SGK2: variants seen among roughly 807,000 people sequenced by gnomAD.
SGK2 encodes serum/glucocorticoid regulated kinase 2, also known as serine/threonine-protein kinase Sgk2.
SGK2 carries 36 observed loss-of-function variants against 47.5 expected under a neutral mutation model. The ratio of observed to expected loss-of-function variants is 0.76; its 90% CI spans 0.58 to 1.00. The LOEUF (loss-of-function observed/expected upper bound fraction) is 1.00, where lower values mean the gene tolerates loss of function less well. SGK2 is among the 50% of genes least tolerant of loss of function. The pLI, the probability that SGK2 is intolerant of heterozygous loss-of-function variation, is 0.00. For synonymous variants in SGK2, 157 were observed against 181.9 expected (o/e 0.86, Z 1.10); for missense variants, 404 against 467.4 (o/e 0.86, Z 1.25).
chr20:43,560,173 G>C (rs1376393217), intron 1 of SGK2, among the ~76,000 whole-genome samples: 2 of 152,062 alleles, frequency 1.3e-5, no homozygotes, highest in African/African-American at 4.8e-5. Context: ...GCAATATCTT[G>C]AGAAGCTTTA....
chr20:43,566,858 T>G (rs1239070246), intron 2 of SGK2, among the ~76,000 whole-genome samples: 2 of 99,564 alleles, frequency 2.0e-5, no homozygotes, highest in African/African-American at 7.9e-5. Flanking sequence ...TTTTGAGAAG[T>G]GGGTAAGATG....
intron 12 of SGK2, among the ~76,000 whole-genome samples, chr20:43,584,047 A>C (rs61468926): frequency 0.016 from 2,388 of 152,034 alleles, 66 homozygotes; most frequent in African/African-American, 0.055. Flanking sequence ...GAGCTCTCTC[A>C]TATCTGTGGT....
chr20:43,566,407 C>A (rs1979717406), intron 1 of SGK2, 66 bp from the exon 2 acceptor site: 2 of 1,614,128 alleles, frequency 1.2e-6, no homozygotes, highest in Non-Finnish European at 1.7e-6. Context: ...TGCCTGAAGC[C>A]CTGGATGGGC....
In SGK2 at chr20:43,571,064, G is replaced by GGT. The variant is rs11467250; in HGVS notation, c.510+41_510+42dup. 5.2e-3 allele frequency: 8,149 copies of GGT among 1,564,564 alleles called. 44 individuals are homozygous for GGT. Among genetic ancestry groups the GGT allele is most frequent in the African/African-American group, 0.041 (2,973 of 72,042 alleles). On this transcript the variant is annotated splice_donor_region_variant and intron_variant, in intron 8 of 12. Coordinates refer to ENST00000373100, the MANE Select transcript of SGK2 (RefSeq NM_170693.3). Reference sequence around the variant, plus strand: ...GAACATTCTCTTGGACTGCCAGGTTGGTGTGTGTGTGTGTGTGTGTGTGTG... The same window carrying GGT: ...GAACATTCTCTTGGACTGCCAGGTTGGTGTGTGTGTGTGTGTGTGTGTGTGTG...
chr20:43,563,454 T>C (rs1401550859), intron 1 of SGK2, among the ~76,000 whole-genome samples: 2 of 152,196 alleles, frequency 1.3e-5, no homozygotes, highest in Non-Finnish European at 2.9e-5. Flanking sequence ...CTTTGGCACA[T>C]AGAGGTCACT....
chr20:43,560,569 G>T (rs6030959), intron 1 of SGK2, among the ~76,000 whole-genome samples: 4,535 of 151,800 alleles, frequency 0.03, 209 homozygotes, highest in African/African-American at 0.1. Flanking sequence ...TGACCCTGCA[G>T]TCTTTTTTTG....
chr20:43,561,443 G>A (rs1209228785), intron 1 of SGK2, among the ~76,000 whole-genome samples: 1 of 145,538 alleles, frequency 6.9e-6, no homozygotes, highest in Admixed American at 7.1e-5. Flanking sequence ...AGGCTGGAGT[G>A]CAGTGGCGTG....
At chr20:43,568,034 G>C in intron 5 of SGK2, 35 bp downstream of exon 5, 1 of 1,574,212 alleles carries the variant, frequency 6.4e-7, no homozygotes, top group Non-Finnish European at 8.7e-7. Context: ...TTCTTCTTCT[G>C]CTTCTCAAGC....
At position 43,571,599 on chromosome 20, in the gene SGK2, G is replaced by C. The variant is rs567721432; in HGVS notation, c.511-452G>C. On this transcript the variant is annotated intron_variant, in intron 8 of 12. Transcript: ENST00000373100. ...TGGACATGGATTGCTCCTAGGGACG[G>C]GGCATAACTTTGGGTGCGGGCAATG... is the stretch of plus-strand genomic sequence containing the variant. Among the ~76,000 whole-genome samples the C allele has an allele frequency of 6.6e-5, 10 of 152,258 alleles. No individual in the cohort carries two copies. In the East Asian group the frequency reaches 1.5e-3, roughly 23 times the overall value.
At position 43,569,467 on chromosome 20, in the gene SGK2, A is replaced by G; in HGVS notation, c.311A>G (p.Gln104Arg). Reference protein sequence around the residue: ...PFLVGLRYSFQTPEKLYFVLD... With the variant: ...PFLVGLRYSFRTPEKLYFVLD... ...CTCGTGGGCCTGCGCTACTCCTTCC[A>G]GACACCTGAGAAGCTCTACTTCGTG... is the stretch of plus-strand genomic sequence containing the variant. The change falls in exon 6 of 13, where the codon CAG becomes CGG. Residue 104 changes from glutamine (Q) to arginine (R), a missense_variant. Transcript: ENST00000373100. 6.2e-7 allele frequency: 1 copy of G among 1,613,770 alleles called. No individual in the cohort carries two copies. The highest frequency in any genetic ancestry group is 8.5e-7 in the Non-Finnish European group (1 of 1,180,008).
Position 43,585,007 on chromosome 20 carries a change from G to C in SGK2, c.1095G>C (p.Leu365Phe). The C allele has an allele frequency of 6.2e-7, 1 of 1,613,472 alleles. No homozygotes were observed. The highest frequency in any genetic ancestry group is 2.2e-5 in the East Asian group (1 of 44,876). ...FSYAPEDDDILDC is the reference protein window; with the variant it reads ...FSYAPEDDDIFDC ...ATGCGCCAGAGGATGATGACATCTT[G>C]GATTGCTAGAAGAGAAGGACCTGTG... The change falls in exon 13 of 13, where the codon TTG becomes TTC. Residue 365 changes from leucine to phenylalanine, a missense_variant. Physicochemically the swap from Leu to Phe is conservative, Grantham distance 22 (BLOSUM62 0). Coordinates refer to ENST00000373100, the MANE Select transcript of SGK2 (RefSeq NM_170693.3).
chr20:43,576,284 CA>C lies in SGK2; in HGVS notation c.755del (p.Gln252ArgfsTer44). The C allele has an allele frequency of 6.2e-7, 1 of 1,614,238 alleles. No individual in the cohort carries two copies. Among genetic ancestry groups the C allele is most frequent in the Non-Finnish European group, 8.5e-7 (1 of 1,180,046 alleles). On this transcript the variant is annotated frameshift_variant, in exon 11 of 13. Coordinates refer to ENST00000373100, the MANE Select transcript of SGK2 (RefSeq NM_170693.3). LOFTEE classifies it high-confidence loss of function. ...TGAGAACATTCTGCACCAGCCGCTACAGATCCCCGGAGGCCGGACAGTGGCC... is the reference window on the plus strand; with the variant it reads ...TGAGAACATTCTGCACCAGCCGCTACGATCCCCGGAGGCCGGACAGTGGCC... ...MYENILHQPLQIPGGRTVAAC... is the reference protein window; with the variant it reads ...MYENILHQPLXIPGGRTVAAC...
Position 43,572,143 on chromosome 20 carries a change from C to G in SGK2, c.597+6C>G. 6.5e-7 allele frequency: 1 copy of G among 1,543,116 alleles called. No homozygotes were observed. ...CATTCTGTGGTACCCCTGAGGTAAG[C>G]GTAAACATCCCAGGAGAGGGGAGGT... On this transcript the variant is annotated splice_donor_region_variant and intron_variant, in intron 9 of 12. Transcript: ENST00000373100. The surrounding 1 kb of genome is among the most constrained non-coding windows in gnomAD (Gnocchi z 4.2).
At chr20:43,583,205 G>T in intron 12 of SGK2, 2 of 1,289,794 alleles carry the variant, frequency 1.6e-6, no homozygotes, top group African/African-American at 3.0e-5. Context: ...CCAGGCACCA[G>T]AAAAGCTTCT....
At position 43,574,801 on chromosome 20, in the gene SGK2, C is replaced by T. The variant is rs200402680; in HGVS notation, c.598-108C>T. The T allele has an allele frequency of 5.9e-5, 42 of 708,946 alleles. No individual in the cohort carries two copies. The East Asian group carries it at 1.1e-3, about 19-fold the overall frequency. 43.9% of individuals were successfully genotyped at this position (708,946 alleles called of 1,614,324 possible). Reference sequence around the variant, plus strand: ...AACACACACACAGCCACAGAGCACACGTACAGCAGGGTCAGCTCTTGGTCA... The same window carrying T: ...AACACACACACAGCCACAGAGCACATGTACAGCAGGGTCAGCTCTTGGTCA... On this transcript the variant is annotated intron_variant, in intron 9 of 12. Coordinates refer to ENST00000373100, the MANE Select transcript of SGK2 (RefSeq NM_170693.3).
chr20:43,567,254 G>T (rs1979791057), intron 3 of SGK2, 137 bp downstream of exon 3: 2 of 724,874 alleles, frequency 2.8e-6, no homozygotes, highest in East Asian at 5.4e-5. Flanking sequence ...CCTTTCCCCA[G>T]CTCTATCTCC....
rs376978535 is a variant in SGK2, at chr20:43,581,103, C to T, written c.939+1042C>T. The stretch of plus-strand genomic sequence containing the variant: ...TGTTAGCCAGGATGGTCTCGATCTC[C>T]TGACCTCGTGATCCGCCCGCCTCGG... On this transcript the variant is annotated intron_variant, in intron 12 of 12. Transcript: ENST00000373100. 8.5e-3 allele frequency among the ~76,000 whole-genome samples: 1,292 copies of T among 152,204 alleles called. 20 individuals carry two copies. Among genetic ancestry groups the T allele is most frequent in the African/African-American group, 0.029 (1,197 of 41,526 alleles).
chr20:43,576,406 GC>G (rs1980467028), intron 11 of SGK2, 27 bp downstream of exon 11: 2 of 1,606,662 alleles, frequency 1.2e-6, no homozygotes, highest in South Asian at 1.1e-5. Flanking sequence ...TGGAGCACTG[GC>G]CCCCATGGGG....
chr20:43,566,952 GAA>G, intron 2 of SGK2, 114 bp from the exon 3 acceptor site: 1 of 792,036 alleles, frequency 1.3e-6, no homozygotes, highest in Non-Finnish European at 2.1e-6. Context: ...AAAAAGAAAA[GAA>G]AAAGGCAGGC....
Sources: gnomAD v4.1 joint callset for allele counts (sites outside exome capture counted in the v4.1 genomes callset) on GRCh38, gnomAD v4.1.1 for gene constraint, Gnocchi (gnomAD v3.1) non-coding constraint, MANE v1.5 for transcripts, NCBI Gene and HGNC (gene_info 2026-07-23, HGNC 2026-07-21) for gene names.